The following LTBP1 variants were observed in gnomAD, a reference collection of about 807,000 sequenced individuals.
LTBP1 encodes the protein latent transforming growth factor beta binding protein 1.
A neutral mutation model predicts 207.6 loss-of-function variants in LTBP1; 129 were observed. The ratio of observed to expected loss-of-function variants is 0.62; its 90% CI spans 0.54 to 0.72. The LOEUF (loss-of-function observed/expected upper bound fraction) is 0.72. Ranked by LOEUF, LTBP1 falls within the 30% of genes least tolerant of loss-of-function variation. LTBP1 has a pLI of 0.00. For synonymous variants in LTBP1, 963 were observed against 833.7 expected, an observed-to-expected ratio of 1.16 and a Z score of -2.67; for missense variants, 2,281 against 2,217.2, an observed-to-expected ratio of 1.03 and a Z score of -0.58.
At chr2:32,963,808 C>T (rs1175748770) in intron 2 of LTBP1, among the ~76,000 whole-genome samples, 2 of 152,190 alleles carry the variant, frequency 1.3e-5, no homozygotes, top group African/African-American at 4.8e-5. Context: ...GGTAGTAGAC[C>T]CCTTGGCCCT....
At chr2:33,263,167 A>G (rs1449514308) in intron 14 of LTBP1, 127 bp from the exon 15 acceptor site, 2 of 665,220 alleles carry the variant, frequency 3.0e-6, no homozygotes. Flanking sequence ...GGGACATAGA[A>G]CAGTTCTTTA....
At chr2:33,246,529 T>C (rs2092518788) in intron 10 of LTBP1, among the ~76,000 whole-genome samples, 1 of 151,942 alleles carries the variant, frequency 6.6e-6, no homozygotes, top group African/African-American at 2.4e-5. Context: ...CAGTGGTTGC[T>C]AAATGTTTGC....
intron 23 of LTBP1, among the ~76,000 whole-genome samples, chr2:33,314,526 CAA>C (rs2094237041): frequency 6.6e-6 from 1 of 152,170 alleles, no homozygotes; most frequent in Admixed American, 6.5e-5. Context: ...GCAGCCTGGG[CAA>C]AAGAGTGAGA....
chr2:32,967,917 T>C (rs1482237818), intron 2 of LTBP1, among the ~76,000 whole-genome samples: 2 of 152,256 alleles, frequency 1.3e-5, no homozygotes, highest in East Asian at 1.9e-4. Flanking sequence ...TAAAGGAGTA[T>C]TGAAGTATCC....
intron 4 of LTBP1, among the ~76,000 whole-genome samples, chr2:33,112,551 C>T (rs1355043810): frequency 6.6e-6 from 1 of 152,140 alleles, no homozygotes; most frequent in Non-Finnish European, 1.5e-5. Context: ...GAAAGAAGCT[C>T]AGGAATTAAC....
At chr2:33,000,400 T>A (rs1685925389) in intron 2 of LTBP1, among the ~76,000 whole-genome samples, 1 of 135,418 alleles carries the variant, frequency 7.4e-6, no homozygotes, top group Admixed American at 7.5e-5. Flanking sequence ...GCTCATCCTG[T>A]GGAGCATGAG....
intron 3 of LTBP1, among the ~76,000 whole-genome samples, chr2:33,046,753 TG>T (rs1259479415): frequency 6.6e-6 from 1 of 152,224 alleles, no homozygotes; most frequent in African/African-American, 2.4e-5. Flanking sequence ...GGACGTTTTT[TG>T]GTTGGTAGGC....
intron 3 of LTBP1, among the ~76,000 whole-genome samples, chr2:33,030,962 C>T (rs190294073): frequency 6.6e-6 from 1 of 152,168 alleles, no homozygotes; most frequent in South Asian, 2.1e-4. Context: ...TCTTCACACC[C>T]TTTTCTGTTA....
At chr2:33,012,669 T>C (rs1243170307) in intron 2 of LTBP1, among the ~76,000 whole-genome samples, 4 of 152,184 alleles carry the variant, frequency 2.6e-5, no homozygotes, top group Admixed American at 2.6e-4. Flanking sequence ...AATGCAGGCA[T>C]TTAAGAGGGG....
At chr2:32,983,295 G>C (rs1271957711) in intron 2 of LTBP1, among the ~76,000 whole-genome samples, 1 of 152,178 alleles carries the variant, frequency 6.6e-6, no homozygotes, top group Non-Finnish European at 1.5e-5. Context: ...TTTGAAATGG[G>C]TGTATTTACC....
chr2:33,390,050 A>C (rs1227545304), intron 32 of LTBP1, among the ~76,000 whole-genome samples: 1 of 152,170 alleles, frequency 6.6e-6, no homozygotes, highest in Admixed American at 6.5e-5. Flanking sequence ...TTTTTCCTAC[A>C]GGGAAATGCA....
At chr2:33,046,725 G>T (rs2149462054) in intron 3 of LTBP1, among the ~76,000 whole-genome samples, 1 of 152,288 alleles carries the variant, frequency 6.6e-6, no homozygotes, top group Admixed American at 6.5e-5. Flanking sequence ...GAATTTAGCT[G>T]TGAATCTGTC....
At chr2:33,175,056 A>G (rs1382168313) in intron 5 of LTBP1, among the ~76,000 whole-genome samples, 2 of 152,210 alleles carry the variant, frequency 1.3e-5, no homozygotes, top group African/African-American at 2.4e-5. Flanking sequence ...TAGAAACCCT[A>G]GAAGAAAACC....
Position 33,134,356 on chromosome 2 carries a change from A to C in LTBP1, c.1034-437A>C, listed in dbSNP as rs1467267829. Reference sequence around the variant, plus strand: ...ACTTAATAAGTGGAGAAACAGGGAAAGTATGCAAGTTGAGGACACAAGAGT... The same window carrying C: ...ACTTAATAAGTGGAGAAACAGGGAACGTATGCAAGTTGAGGACACAAGAGT... On this transcript the variant is annotated intron_variant, in intron 4 of 33. Coordinates refer to ENST00000404816, the MANE Select transcript of LTBP1 (RefSeq NM_206943.4). The surrounding 1 kb of genome is among the most constrained non-coding windows in gnomAD (Gnocchi z 4.4). 4.3e-6 allele frequency: 2 copies of C among 462,424 alleles called. No homozygotes were observed. The highest frequency in any genetic ancestry group is 8.9e-6 in the Non-Finnish European group (2 of 225,196). 28.6% of individuals were successfully genotyped at this position (462,424 alleles called of 1,614,324 possible).
intron 19 of LTBP1, among the ~76,000 whole-genome samples, chr2:33,283,518 C>G (rs1247470090): frequency 6.9e-6 from 1 of 145,878 alleles, no homozygotes; most frequent in South Asian, 2.2e-4. Context: ...CTCACTGCAA[C>G]CTCCACCTCC....
intron 3 of LTBP1, among the ~76,000 whole-genome samples, chr2:33,096,911 A>C (rs946272305): frequency 1.3e-5 from 2 of 152,176 alleles, no homozygotes; most frequent in Non-Finnish European, 2.9e-5. Context: ...AAAAAAGAGA[A>C]AGTGATAGCA....
intron 24 of LTBP1, among the ~76,000 whole-genome samples, chr2:33,336,378 C>T (rs1269213177): frequency 2.6e-5 from 4 of 152,192 alleles, no homozygotes; most frequent in African/African-American, 9.6e-5. Context: ...CTTCTGTGAC[C>T]AGGCCCTGTT....
At chr2:33,265,369 C>T (rs2093146615) in intron 15 of LTBP1, among the ~76,000 whole-genome samples, 1 of 152,136 alleles carries the variant, frequency 6.6e-6, no homozygotes, top group Non-Finnish European at 1.5e-5. Flanking sequence ...AAATAATATT[C>T]CCAAAGGCTG....
intron 32 of LTBP1, among the ~76,000 whole-genome samples, chr2:33,391,771 T>C (rs1037967519): frequency 6.7e-6 from 1 of 148,996 alleles, no homozygotes; most frequent in Non-Finnish European, 1.5e-5. Context: ...TTATGTACCT[T>C]CTTTTTAATG....
Sources: gnomAD v4.1 joint callset for allele counts (sites outside exome capture counted in the v4.1 genomes callset) on GRCh38, gnomAD v4.1.1 for gene constraint, Gnocchi (gnomAD v3.1) non-coding constraint, MANE v1.5 for transcripts, NCBI Gene and HGNC (gene_info 2026-07-23, HGNC 2026-07-21) for gene names.